Variants in AFF4 observed in about 807,000 individuals in gnomAD.
The protein encoded by AFF4 is ALF transcription elongation factor 4.
A neutral mutation model predicts 124.8 loss-of-function variants in AFF4; 13 were observed. The observed-to-expected ratio is 0.10, with a 90% CI of 0.07 to 0.17. AFF4 has a LOEUF of 0.17. AFF4 is among the 10% of genes least tolerant of loss of function. AFF4 has a pLI of 1.00. For missense variants in AFF4, 1,092 were observed against 1,403.8 expected (o/e 0.78, Z 3.55); for synonymous variants, 477 against 496.1 (o/e 0.96, Z 0.51).
chr5:132,942,550 C>T (rs567203977), intron 1 of AFF4, among the ~76,000 whole-genome samples: 2 of 151,566 alleles, frequency 1.3e-5, no homozygotes, highest in African/African-American at 4.9e-5. Flanking sequence ...CCACAACCTT[C>T]GCCTGCCGGA....
chr5:132,926,273 AG>A, intron 5 of AFF4: 1 of 449,020 alleles, frequency 2.2e-6, no homozygotes. Flanking sequence ...GGCTATTATT[AG>A]GGGGACTGGT....
At chr5:132,933,542 T>TG (rs967380692) in intron 3 of AFF4, among the ~76,000 whole-genome samples, 3 of 151,946 alleles carry the variant, frequency 2.0e-5, no homozygotes, top group African/African-American at 7.2e-5. Flanking sequence ...ACACCCATCT[T>TG]GAAAAAAAAA....
intron 5 of AFF4, among the ~76,000 whole-genome samples, chr5:132,919,969 C>T (rs946288875): frequency 6.6e-6 from 1 of 151,218 alleles, no homozygotes; most frequent in African/African-American, 2.4e-5. Flanking sequence ...CACAGAGAGA[C>T]CTGGTCTCTT....
chr5:132,918,888 G>GTTTT (rs34475797), intron 5 of AFF4, among the ~76,000 whole-genome samples: 1 of 138,708 alleles, frequency 7.2e-6, no homozygotes, highest in African/African-American at 2.6e-5. Flanking sequence ...TTGTTTGTTT[G>GTTTT]TTTTTTTTTT....
intron 1 of AFF4, among the ~76,000 whole-genome samples, chr5:132,938,941 C>CAAAAAAAAAAA (rs762784790): frequency 2.6e-5 from 1 of 38,338 alleles, no homozygotes; most frequent in African/African-American, 1.0e-4. Flanking sequence ...AGACTCATCT[C>CAAAAAAAAAAA]AAAAAAAAAA....
intron 1 of AFF4, among the ~76,000 whole-genome samples, chr5:132,955,862 T>C (rs1206903501): frequency 6.8e-6 from 1 of 146,332 alleles, no homozygotes; most frequent in Non-Finnish European, 1.5e-5. Flanking sequence ...ACATAGATTA[T>C]ATAGTATATA....
chr5:132,946,778 G>C (rs927913893), intron 1 of AFF4, among the ~76,000 whole-genome samples: 7 of 152,066 alleles, frequency 4.6e-5, no homozygotes, highest in African/African-American at 1.7e-4. Context: ...TATTAAAATA[G>C]TAAATTTTAT....
At chr5:132,917,047 A>G (rs944949383) in intron 5 of AFF4, among the ~76,000 whole-genome samples, 1 of 151,994 alleles carries the variant, frequency 6.6e-6, no homozygotes, top group African/African-American at 2.4e-5. Flanking sequence ...CAGCCTCCCG[A>G]GTAGCTGGGA....
chr5:132,915,843 G>A (rs951549165), intron 5 of AFF4, among the ~76,000 whole-genome samples: 38 of 151,912 alleles, frequency 2.5e-4, no homozygotes, highest in African/African-American at 8.2e-4. Flanking sequence ...GAGCCACTAC[G>A]CCCGGCTGAC....
rs386405007 is a variant in AFF4, at chr5:132,908,776, A to ATT, written c.1051-4374_1051-4373dup. 4.7e-3 allele frequency among the ~76,000 whole-genome samples: 537 copies of ATT among 114,854 alleles called. 8 individuals carry two copies. Among genetic ancestry groups the ATT allele is most frequent in the African/African-American group, 0.011 (362 of 33,188 alleles). The allele number at this position is 114,854 out of a possible 152,430, so 75.3% of individuals were successfully genotyped here. A position where few individuals can be genotyped will look rare whatever the true frequency, so the allele number is the denominator to read the frequency against. On this transcript the variant is annotated intron_variant, in intron 5 of 20. Transcript: ENST00000265343. Reference sequence around the variant, plus strand: ...TATATACATATATATATATATATATATTTTTTTTTTTTGAGACGGAATCTA... The same window carrying ATT: ...TATATACATATATATATATATATATATTTTTTTTTTTTTTGAGACGGAATCTA...
chr5:132,886,967 T>C lies in AFF4; in HGVS notation c.3005+554A>G, dbSNP rs539115175. Among the ~76,000 whole-genome samples the C allele has an allele frequency of 3.9e-5, 6 of 152,352 alleles. No homozygotes were observed. The South Asian group carries it at 1.2e-3, about 32-fold the overall frequency. Reference sequence around the variant, plus strand: ...ACTGTTACAGTTACATATACTTTTCTTTCAAAATACTTAATTCATATGGAC... The same window carrying C: ...ACTGTTACAGTTACATATACTTTTCCTTCAAAATACTTAATTCATATGGAC... On this transcript the variant is annotated intron_variant, in intron 17 of 20. Transcript: ENST00000265343.
intron 5 of AFF4, among the ~76,000 whole-genome samples, chr5:132,915,173 C>CT (rs1760879873): frequency 6.6e-6 from 1 of 151,990 alleles, no homozygotes; most frequent in African/African-American, 2.4e-5. Flanking sequence ...AACCCTGTCT[C>CT]TACTAAAAAT....
At chr5:132,913,764 T>C (rs1760847219) in intron 5 of AFF4, among the ~76,000 whole-genome samples, 1 of 152,098 alleles carries the variant, frequency 6.6e-6, no homozygotes, top group African/African-American at 2.4e-5. Flanking sequence ...TTTTCAAGTG[T>C]ACACAAAACA....
chr5:132,887,607 TAACA>T lies in AFF4; in HGVS notation c.2934-19_2934-16del, dbSNP rs763252344. 2.1e-5 allele frequency: 34 copies of T among 1,604,300 alleles called. No individual in the cohort carries two copies. Among genetic ancestry groups the T allele is most frequent in the Non-Finnish European group, 8.5e-7 (1 of 1,171,568 alleles). ...TCATAGTGTATCTGTTGAGTTACAATAACAAACAAATGACAAACAGAATACTTCA... is the reference window on the plus strand; with the variant it reads ...TCATAGTGTATCTGTTGAGTTACAATAACAAATGACAAACAGAATACTTCA... On this transcript the variant is annotated splice_polypyrimidine_tract_variant and intron_variant, in intron 16 of 20. Coordinates refer to ENST00000265343, the MANE Select transcript of AFF4 (RefSeq NM_014423.4).
rs1760156524 is a variant in AFF4 at position 132,887,936 on chromosome 5, G to C, written c.2843C>G (p.Ser948Cys). ...KAVYYLDAVV[S>C]FIECGNALEK... is the part of the protein sequence containing the mutation. Reference sequence around the variant, plus strand: ...TAATGCATTCCCACATTCAATGAAAGATACCACAGCATCAAGATAGTATAC... The same window carrying C: ...TAATGCATTCCCACATTCAATGAAACATACCACAGCATCAAGATAGTATAC... Residue 948 changes from serine to cysteine, a missense_variant, in exon 16 of 21, where the codon TCT becomes TGT. Ser to Cys is a moderately radical substitution (Grantham distance 112). Transcript: ENST00000265343. 2 of 1,613,770 alleles carry C rather than the reference G, an allele frequency of 1.2e-6. No individual in the cohort carries two copies.
intron 2 of AFF4, 111 bp from the exon 3 acceptor site, chr5:132,935,052 G>T: frequency 1.2e-6 from 1 of 803,128 alleles, no homozygotes; most frequent in Non-Finnish European, 1.8e-6. Context: ...TTCAAAGGGA[G>T]GCTTTACCTC....
At chr5:132,950,977 C>T (rs2150110605) in intron 1 of AFF4, among the ~76,000 whole-genome samples, 1 of 152,288 alleles carries the variant, frequency 6.6e-6, no homozygotes, top group East Asian at 1.9e-4. Context: ...GTAATCCCAG[C>T]ACTCTGGGAG....
Position 132,934,537 on chromosome 5 carries a change from T to A in AFF4, c.528A>T (p.Ser176=), listed in dbSNP as rs1348767087. The A allele has an allele frequency of 6.2e-7, 1 of 1,613,912 alleles. No homozygotes were observed. Among genetic ancestry groups the A allele is most frequent in the African/African-American group, 1.3e-5 (1 of 74,850 alleles). The change falls in exon 3 of 21, where the codon TCA becomes TCT. Residue 176 remains serine (S), a synonymous_variant. Coordinates refer to ENST00000265343, the MANE Select transcript of AFF4 (RefSeq NM_014423.4). The part of the protein sequence containing the change: ...KGQHGSEHSK[S]RSSSPGKPQA... Reference sequence around the variant, plus strand: ...GGGGTTTTCCAGGGCTGGAAGAACGTGATTTGGAGTGTTCTGATCCATGCT... The same window carrying A: ...GGGGTTTTCCAGGGCTGGAAGAACGAGATTTGGAGTGTTCTGATCCATGCT...
chr5:132,943,052 T>C (rs1485991743), intron 1 of AFF4: 2 of 206,828 alleles, frequency 9.7e-6, no homozygotes, highest in Non-Finnish European at 2.1e-5. Context: ...CAGAAAGTAT[T>C]ATGTAACTAG....
Sources: allele counts gnomAD v4.1 joint callset (sites outside exome capture counted in the v4.1 genomes callset), GRCh38; gene constraint gnomAD v4.1.1; transcripts MANE v1.5; gene names NCBI Gene and HGNC (gene_info 2026-07-23, HGNC 2026-07-21).